DCDC2C: variants seen among roughly 807,000 people sequenced by gnomAD.
The protein encoded by DCDC2C is doublecortin domain containing 2C.
A neutral mutation model predicts 45.0 loss-of-function variants in DCDC2C; 44 were observed. The observed-to-expected ratio is 0.98, with a 90% CI of 0.77 to 1.26. The LOEUF (loss-of-function observed/expected upper bound fraction) is 1.26, where lower values mean the gene tolerates loss of function less well. Among genes scored for constraint, DCDC2C ranks in the 50% most tolerant of loss-of-function variants. The probability of loss-of-function intolerance (pLI) is 0.00; values close to 1 mark genes in which losing one functional copy is unlikely to be tolerated. For synonymous variants in DCDC2C, 187 were observed against 178.8 expected (o/e 1.05, Z -0.37); for missense variants, 447 against 468.9 (o/e 0.95, Z 0.43).
chr2:3,724,618 C>T (rs530762082), intron 2 of DCDC2C, among the ~76,000 whole-genome samples: 40 of 152,298 alleles, frequency 2.6e-4, no homozygotes, highest in African/African-American at 9.1e-4. Flanking sequence ...GTGATGTCGT[C>T]GAGCTCCTGT....
intron 2 of DCDC2C, among the ~76,000 whole-genome samples, chr2:3,714,821 C>T (rs1668308590): frequency 6.6e-6 from 1 of 152,214 alleles, no homozygotes; most frequent in Non-Finnish European, 1.5e-5. Context: ...ATACTCACTT[C>T]CACTATACTT....
At chr2:3,712,745 C>T (rs532678970) in intron 2 of DCDC2C, among the ~76,000 whole-genome samples, 2 of 152,236 alleles carry the variant, frequency 1.3e-5, no homozygotes, top group South Asian at 4.2e-4. Context: ...TTTGTGAGGC[C>T]CCCATGCTGC....
chr2:3,726,510 A>G (rs921065878), intron 2 of DCDC2C, among the ~76,000 whole-genome samples: 8 of 152,040 alleles, frequency 5.3e-5, no homozygotes, highest in Non-Finnish European at 1.0e-4. Flanking sequence ...GGCTGCATTC[A>G]CAGCAAACAG....
intron 10 of DCDC2C, among the ~76,000 whole-genome samples, chr2:3,788,255 C>T (rs146052381): frequency 5.3e-5 from 8 of 152,248 alleles, no homozygotes; most frequent in East Asian, 1.9e-4. Flanking sequence ...ATGTAAACTA[C>T]AATCTTAAAT....
At chr2:3,823,515 C>T (rs965704584) in intron 10 of DCDC2C, among the ~76,000 whole-genome samples, 2 of 152,250 alleles carry the variant, frequency 1.3e-5, no homozygotes, top group Middle Eastern at 6.8e-3. Context: ...ATTTCTTTAT[C>T]TTCTACCCAG....
intron 2 of DCDC2C, among the ~76,000 whole-genome samples, chr2:3,719,666 A>G (rs1477478555): frequency 6.6e-6 from 1 of 152,170 alleles, no homozygotes; most frequent in African/African-American, 2.4e-5. Context: ...ATGTTGGTGG[A>G]CACTCCCCGT....
chr2:3,767,799 C>T lies in DCDC2C; in HGVS notation c.772C>T (p.Pro258Ser). The change falls in exon 7 of 11, where the codon CCT becomes TCT. Residue 258 changes from proline (P) to serine (S), a missense_variant. Coordinates refer to ENST00000399143, the MANE Select transcript of DCDC2C (RefSeq NM_001287444.2). The part of the protein sequence containing the change: ...KEPCKYDGIP[P>S]KTQDSVYYAK... Reference sequence around the variant, plus strand: ...ACCTTGTAAATATGATGGCATACCCCCTAAAACACAGGATTCTGTTTATTA... The same window carrying T: ...ACCTTGTAAATATGATGGCATACCCTCTAAAACACAGGATTCTGTTTATTA... 1 of 1,549,824 alleles carries T rather than the reference C, an allele frequency of 6.5e-7. No homozygotes were observed. Among genetic ancestry groups the T allele is most frequent in the Non-Finnish European group, 8.7e-7 (1 of 1,146,744 alleles).
chr2:3,756,019 T>C (rs538532861), intron 6 of DCDC2C, among the ~76,000 whole-genome samples: 271 of 152,138 alleles, frequency 1.8e-3, no homozygotes, highest in Admixed American at 4.3e-3. Flanking sequence ...TAGATGCACG[T>C]GTGTGTATGG....
chr2:3,736,244 T>A (rs944223926), intron 3 of DCDC2C, among the ~76,000 whole-genome samples: 1 of 152,122 alleles, frequency 6.6e-6, no homozygotes, highest in Non-Finnish European at 1.5e-5. Flanking sequence ...CCTAGCAGAT[T>A]TACAGGGTGG....
chr2:3,767,912 T>C, intron 7 of DCDC2C, 32 bp downstream of exon 7: 1 of 1,420,234 alleles, frequency 7.0e-7, no homozygotes, highest in South Asian at 1.6e-5. Context: ...CTGTAGGCAG[T>C]TCGAAACTTT....
intron 6 of DCDC2C, among the ~76,000 whole-genome samples, chr2:3,756,023 T>C (rs1669704992): frequency 6.6e-6 from 1 of 151,336 alleles, no homozygotes; most frequent in South Asian, 2.1e-4. Flanking sequence ...TGCACGTGTG[T>C]GTATGGATGC....
intron 6 of DCDC2C, among the ~76,000 whole-genome samples, chr2:3,764,191 G>A (rs1462015777): frequency 1.3e-5 from 2 of 152,156 alleles, no homozygotes; most frequent in Admixed American, 6.5e-5. Flanking sequence ...GAGACTCCAC[G>A]TTTAAAAGAC....
chr2:3,791,728 T>C (rs1670816019), intron 10 of DCDC2C, among the ~76,000 whole-genome samples: 1 of 152,208 alleles, frequency 6.6e-6, no homozygotes, highest in South Asian at 2.1e-4. Context: ...TGCAGTGGCC[T>C]GGGTGCCATG....
chr2:3,807,929 G>C (rs1182500416), intron 10 of DCDC2C, among the ~76,000 whole-genome samples: 1 of 152,040 alleles, frequency 6.6e-6, no homozygotes, highest in African/African-American at 2.4e-5. Context: ...TCCATTTTAC[G>C]GTTGTACCAG....
At chr2:3,729,998 A>C (rs1260948892) in intron 3 of DCDC2C, among the ~76,000 whole-genome samples, 2 of 152,182 alleles carry the variant, frequency 1.3e-5, no homozygotes, top group Non-Finnish European at 1.5e-5. Flanking sequence ...CTTGTAGAAC[A>C]ACCACCACCT....
At chr2:3,737,474 T>C (rs1362440155) in intron 3 of DCDC2C, among the ~76,000 whole-genome samples, 2 of 152,222 alleles carry the variant, frequency 1.3e-5, no homozygotes, top group African/African-American at 4.8e-5. Flanking sequence ...CCTGGCTTTC[T>C]TCCCACCTAC....
At chr2:3,822,304 T>C (rs1291585174) in intron 10 of DCDC2C, among the ~76,000 whole-genome samples, 2 of 152,198 alleles carry the variant, frequency 1.3e-5, no homozygotes, top group African/African-American at 2.4e-5. Flanking sequence ...TTACTTGTTA[T>C]AGTTTTATTT....
intron 10 of DCDC2C, among the ~76,000 whole-genome samples, chr2:3,822,228 T>C (rs1671707831): frequency 6.6e-6 from 1 of 152,256 alleles, no homozygotes; most frequent in African/African-American, 2.4e-5. Context: ...AATTCACAAG[T>C]GAAGCCATTT....
chr2:3,732,162 T>C (rs964857141), intron 3 of DCDC2C, among the ~76,000 whole-genome samples: 14 of 152,138 alleles, frequency 9.2e-5, no homozygotes, highest in African/African-American at 2.9e-4. Flanking sequence ...GAGGAGTAGT[T>C]GATGCAATTG....
Sources: allele counts gnomAD v4.1 joint callset (sites outside exome capture counted in the v4.1 genomes callset), GRCh38; gene constraint gnomAD v4.1.1; transcripts MANE v1.5; gene names NCBI Gene and HGNC (gene_info 2026-07-23, HGNC 2026-07-21).